The following ARHGAP6 variants were observed in gnomAD, a reference collection of about 807,000 sequenced individuals.
The protein encoded by ARHGAP6 is rho GTPase-activating protein 6.
A neutral mutation model predicts 55.7 loss-of-function variants in ARHGAP6; 16 were observed. The ratio of observed to expected loss-of-function variants is 0.29; its 90% CI spans 0.19 to 0.44. The LOEUF (loss-of-function observed/expected upper bound fraction) is 0.44. Among genes scored for constraint, ARHGAP6 ranks in the 20% least tolerant of loss-of-function variants. The pLI is 1.00. For synonymous variants in ARHGAP6, 382 were observed against 360.9 expected (o/e 1.06, Z -0.66); for missense variants, 698 against 808.9 (o/e 0.86, Z 1.66).
intron 3 of ARHGAP6, among the ~76,000 whole-genome samples, chrX:11,190,460 G>GATATATAT (rs535056484): frequency 1.4e-4 from 11 of 76,961 alleles, no homozygotes; most frequent in South Asian, 6.3e-4. Context: ...ACCCTGAGGA[G>GATATATAT]ATATATATAT....
At chrX:11,367,187 TAGC>T (rs1359792909) in intron 1 of ARHGAP6, among the ~76,000 whole-genome samples, 1 of 112,178 alleles carries the variant, frequency 8.9e-6, no homozygotes, top group Non-Finnish European at 1.9e-5. Context: ...AGAAGCCAGA[TAGC>T]AGAGAGTTCA....
intron 1 of ARHGAP6, among the ~76,000 whole-genome samples, chrX:11,295,992 C>T (rs1249137889): frequency 3.6e-5 from 4 of 112,023 alleles, no homozygotes; most frequent in Non-Finnish European, 7.5e-5. Flanking sequence ...GACAGACAGT[C>T]CTGATTCAGA....
intron 1 of ARHGAP6, among the ~76,000 whole-genome samples, chrX:11,524,814 A>C (rs1030173627): frequency 9.0e-6 from 1 of 110,981 alleles, no homozygotes; most frequent in African/African-American, 3.3e-5. Context: ...TATACAACTC[A>C]CCGTAATGTA....
chrX:11,304,782 T>A (rs2147587399), intron 1 of ARHGAP6, among the ~76,000 whole-genome samples: 2 of 71,211 alleles, frequency 2.8e-5, no homozygotes, highest in African/African-American at 1.1e-4. Flanking sequence ...TTTTACTTTT[T>A]TTTTTTTTTT....
chrX:11,502,410 A>G (rs185831662), intron 1 of ARHGAP6, among the ~76,000 whole-genome samples: 144 of 112,628 alleles, frequency 1.3e-3, no homozygotes, highest in African/African-American at 4.3e-3. Flanking sequence ...TGATCTGATG[A>G]TAGTCACATG....
At chrX:11,594,084 A>G (rs1223150578) in intron 1 of ARHGAP6, among the ~76,000 whole-genome samples, 4 of 111,503 alleles carry the variant, frequency 3.6e-5, no homozygotes, top group Non-Finnish European at 7.5e-5. Flanking sequence ...GGAAGTCCTT[A>G]ATTAATTTGA....
intron 1 of ARHGAP6, among the ~76,000 whole-genome samples, chrX:11,605,113 A>G (rs1013624359): frequency 1.8e-5 from 2 of 111,460 alleles, no homozygotes; most frequent in Non-Finnish European, 3.8e-5. Context: ...GAGGGAGGAG[A>G]TAAGAGTTGG....
intron 1 of ARHGAP6, among the ~76,000 whole-genome samples, chrX:11,267,258 T>C (rs1452866463): frequency 4.4e-5 from 5 of 112,409 alleles, no homozygotes; most frequent in African/African-American, 1.6e-4. Context: ...TCCTTTAGTT[T>C]ATAAATAGAT....
chrX:11,244,307 C>T (rs1202485216), intron 2 of ARHGAP6, among the ~76,000 whole-genome samples: 1 of 111,804 alleles, frequency 8.9e-6, no homozygotes, highest in Non-Finnish European at 1.9e-5. Context: ...CACTGTAGCA[C>T]TAAAGCAGTC....
intron 1 of ARHGAP6, among the ~76,000 whole-genome samples, chrX:11,267,839 A>G (rs1279307671): frequency 8.9e-6 from 1 of 112,421 alleles, no homozygotes; most frequent in Non-Finnish European, 1.9e-5. Flanking sequence ...TCAAACCAGA[A>G]AAACAAAACA....
chrX:11,191,046 A>G (rs1003528481), intron 3 of ARHGAP6, among the ~76,000 whole-genome samples: 3 of 112,693 alleles, frequency 2.7e-5, no homozygotes, highest in African/African-American at 9.7e-5. Context: ...ACTTTAAACC[A>G]TGGATAATGG....
At chrX:11,501,549 G>A (rs755406503) in intron 1 of ARHGAP6, among the ~76,000 whole-genome samples, 1 of 111,384 alleles carries the variant, frequency 9.0e-6, no homozygotes, top group Non-Finnish European at 1.9e-5. Context: ...GAGTAGGGGC[G>A]CCAAACTCCC....
intron 1 of ARHGAP6, among the ~76,000 whole-genome samples, chrX:11,296,577 T>A (rs1186288885): frequency 9.0e-6 from 1 of 111,144 alleles, no homozygotes. Flanking sequence ...AAATAAAAGG[T>A]CTCCTCTTCT....
intron 1 of ARHGAP6, among the ~76,000 whole-genome samples, chrX:11,650,334 A>G (rs1251007750): frequency 8.9e-6 from 1 of 111,994 alleles, no homozygotes; most frequent in Non-Finnish European, 1.9e-5. Context: ...TTTTTAAAAA[A>G]TAACTTTATT....
rs188702146 is a variant in ARHGAP6, at chrX:11,321,170, A to T, written c.589-66463T>A. On this transcript the variant is annotated intron_variant, in intron 1 of 12. Transcript: ENST00000337414. ...TATATGGATGTAAGCGGTGTTTTTA[A>T]TGTTAAATACATGTTCAATATTTAT... 1.5e-3 allele frequency among the ~76,000 whole-genome samples: 171 copies of T among 112,371 alleles called. 1 individual carries two copies. The highest frequency in any genetic ancestry group is 2.9e-3 in the Non-Finnish European group (153 of 53,277).
chrX:11,476,057 A>G (rs1410401230), intron 1 of ARHGAP6, among the ~76,000 whole-genome samples: 1 of 110,625 alleles, frequency 9.0e-6, no homozygotes, highest in East Asian at 2.8e-4. Context: ...CAAAAGATAT[A>G]AAGGACATAC....
In ARHGAP6 at chrX:11,648,141, G is replaced by C. The variant is rs758434871; in HGVS notation, c.588+16100C>G. 3.2e-4 allele frequency among the ~76,000 whole-genome samples: 36 copies of C among 112,183 alleles called. No individual in the cohort carries two copies. In the South Asian group the frequency reaches 0.013, roughly 42 times the overall value. On this transcript the variant is annotated intron_variant, in intron 1 of 12. Transcript: ENST00000337414. Reference sequence around the variant, plus strand: ...AATAACAATAAAGTGTACATTTCAAGATAGCTAGAAGGTATAGAATGTTAT... The same window carrying C: ...AATAACAATAAAGTGTACATTTCAACATAGCTAGAAGGTATAGAATGTTAT...
Position 11,664,952 on chromosome X carries a change from G to C in ARHGAP6, c.-124C>G. 1 of 713,669 alleles carries C rather than the reference G, an allele frequency of 1.4e-6. No individual in the cohort carries two copies. Among genetic ancestry groups the C allele is most frequent in the Non-Finnish European group, 2.0e-6 (1 of 506,236 alleles). The allele number at this position is 713,669 out of a possible 1,213,427, so 58.8% of individuals were successfully genotyped here. A position where few individuals can be genotyped will look rare whatever the true frequency, so the allele number is the denominator to read the frequency against. ...CGGGGCTGGCCCGGGGTTTGCCCAG[G>C]GCAGTGGAGAGCAAAGCCCAGCTCA... On this transcript the variant is annotated 5_prime_UTR_variant, in exon 1 of 13. Transcript: ENST00000337414.
intron 1 of ARHGAP6, among the ~76,000 whole-genome samples, chrX:11,599,602 A>T (rs1478342015): frequency 2.7e-5 from 3 of 112,097 alleles, no homozygotes; most frequent in African/African-American, 9.7e-5. Flanking sequence ...CGAGAGAAGA[A>T]TGGTAGTTTT....
Sources: gnomAD v4.1 joint callset for allele counts (sites outside exome capture counted in the v4.1 genomes callset) on GRCh38, gnomAD v4.1.1 for gene constraint, MANE v1.5 for transcripts, NCBI Gene and HGNC (gene_info 2026-07-23, HGNC 2026-07-21) for gene names.